Variants in HYDIN observed in about 807,000 individuals in gnomAD.
HYDIN encodes HYDIN axonemal central pair apparatus protein.
HYDIN carries 132 observed loss-of-function variants against 403.9 expected under a neutral mutation model. The ratio of observed to expected loss-of-function variants is 0.33; its 90% confidence interval spans 0.28 to 0.38. The LOEUF (loss-of-function observed/expected upper bound fraction) is 0.38, where lower values mean the gene tolerates loss of function less well. Ranked by LOEUF, HYDIN falls within the 10% of genes least tolerant of loss-of-function variation. HYDIN has a pLI of 1.00. For missense variants in HYDIN, 2,827 were observed against 5,009.5 expected (o/e 0.56, Z 13.15); for synonymous variants, 1,202 against 1,891.7 (o/e 0.64, Z 9.46).
At chr16:70,948,149 A>G (rs1480481951) in intron 41 of HYDIN, among the ~76,000 whole-genome samples, 4,325 of 144,718 alleles carry the variant, frequency 0.03, 78 homozygotes, top group African/African-American at 0.11. Flanking sequence ...CAGAAATAAC[A>G]CCGCATATCT....
At chr16:71,071,883 G>A (rs2082478635) in intron 13 of HYDIN, among the ~76,000 whole-genome samples, 1 of 152,124 alleles carries the variant, frequency 6.6e-6, no homozygotes, top group South Asian at 2.1e-4. Flanking sequence ...GAATATTTTA[G>A]ACAATGGATT....
intron 41 of HYDIN, among the ~76,000 whole-genome samples, chr16:70,947,042 G>C (rs1035815535): frequency 6.6e-6 from 1 of 150,586 alleles, no homozygotes; most frequent in Non-Finnish European, 1.5e-5. Context: ...TCCTTCTCCT[G>C]CCTAATTGCC....
intron 3 of HYDIN, 131 bp downstream of exon 3, chr16:71,184,734 C>T: frequency 1.4e-6 from 1 of 707,180 alleles, no homozygotes; most frequent in Non-Finnish European, 2.3e-6. Flanking sequence ...CATTCAGAGG[C>T]AGAAAAGGAG....
At position 71,093,801 on chromosome 16, in the gene HYDIN, C is replaced by T. The variant is rs780172867; in HGVS notation, c.1446+16G>A. 1 of 1,607,642 alleles carries T rather than the reference C, an allele frequency of 6.2e-7. No homozygotes were observed. The highest frequency in any genetic ancestry group is 1.1e-5 in the South Asian group (1 of 89,564). On this transcript the variant is annotated intron_variant, in intron 11 of 85. Transcript: ENST00000393567. ...AAGTACTGTTTGAAGTATCAACGAA[C>T]AACTCTAGTGCTTACCTCATAACAA... is the stretch of plus-strand genomic sequence containing the variant.
At chr16:71,197,535 G>C (rs1382986010) in intron 1 of HYDIN, among the ~76,000 whole-genome samples, 2 of 152,126 alleles carry the variant, frequency 1.3e-5, no homozygotes, top group South Asian at 4.1e-4. Context: ...CCTTTTAAAA[G>C]ATTTTATTGT....
At position 70,807,834 on chromosome 16, in the gene HYDIN, T is replaced by G. The variant is rs559884484; in HGVS notation, c.15112A>C (p.Ile5038Leu). ...AAGACATTCTTGAAGGGGATGATTA[T>G]GCTGTACCCGGCTCGGATCGAGAAG... ...GPFSIRAGYS[I>L]IIPFKNVFYH... is the part of the protein sequence containing the mutation. Residue 5038 changes from isoleucine to leucine, a missense_variant, in exon 86 of 86, where the codon ATA becomes CTA. Physicochemically the swap from Ile to Leu is conservative, Grantham distance 5. Transcript: ENST00000393567. The G allele has an allele frequency of 9.9e-6, 16 of 1,614,164 alleles. No individual in the cohort carries two copies. In the African/African-American group the frequency reaches 2.1e-4, roughly 22 times the overall value.
At chr16:71,085,873 G>A (rs2144357188) in intron 12 of HYDIN, among the ~76,000 whole-genome samples, 1 of 152,072 alleles carries the variant, frequency 6.6e-6, no homozygotes, top group Non-Finnish European at 1.5e-5. Flanking sequence ...CTTGTAAAAA[G>A]CATATAGATA....
chr16:71,168,071 G>A (rs1343080885), intron 5 of HYDIN, among the ~76,000 whole-genome samples: 21 of 152,118 alleles, frequency 1.4e-4, no homozygotes, highest in African/African-American at 4.1e-4. Context: ...TAATCTCAGC[G>A]CTTTGGGAGG....
At chr16:71,160,605 CA>C (rs2085962120) in intron 6 of HYDIN, among the ~76,000 whole-genome samples, 1 of 149,978 alleles carries the variant, frequency 6.7e-6, no homozygotes, top group African/African-American at 2.5e-5. Context: ...CAAGTAGAAG[CA>C]AATTCTAATC....
intron 1 of HYDIN, among the ~76,000 whole-genome samples, chr16:71,215,667 A>G (rs2088840032): frequency 6.6e-6 from 1 of 152,150 alleles, no homozygotes; most frequent in African/African-American, 2.4e-5. Flanking sequence ...CAGGAGTTTG[A>G]AACACCATAT....
intron 72 of HYDIN, among the ~76,000 whole-genome samples, chr16:70,856,000 A>G (rs2039000715): frequency 6.6e-6 from 1 of 151,278 alleles, no homozygotes; most frequent in Admixed American, 6.6e-5. Flanking sequence ...TTAAATTTGC[A>G]TTTAATTTTA....
intron 39 of HYDIN, among the ~76,000 whole-genome samples, chr16:70,959,091 T>A (rs1475711489): frequency 5.3e-5 from 8 of 151,570 alleles, no homozygotes; most frequent in Non-Finnish European, 1.2e-4. Context: ...CTCCTTTGGG[T>A]TTATGGTAAA....
At chr16:70,928,905 CA>C (rs1386357409) in intron 45 of HYDIN, among the ~76,000 whole-genome samples, 15 of 99,948 alleles carry the variant, frequency 1.5e-4, no homozygotes, top group Admixed American at 1.4e-3. Flanking sequence ...AAGAAGGAAG[CA>C]AAGGAAAGTT....
chr16:70,890,093 T>C (rs2041381858), intron 57 of HYDIN, among the ~76,000 whole-genome samples: 1 of 152,268 alleles, frequency 6.6e-6, no homozygotes, highest in Admixed American at 6.5e-5. Flanking sequence ...TTTCTGTATC[T>C]TCACATTTAT....
chr16:71,221,347 A>G (rs1481145455), intron 1 of HYDIN, among the ~76,000 whole-genome samples: 1 of 152,128 alleles, frequency 6.6e-6, no homozygotes, highest in Non-Finnish European at 1.5e-5. Flanking sequence ...GAGCTCCAAA[A>G]GCCTCAAAGT....
At chr16:71,080,836 A>G (rs960015006) in intron 12 of HYDIN, 1 of 149,692 alleles carries the variant, frequency 6.7e-6, no homozygotes, top group Admixed American at 6.7e-5. Flanking sequence ...CACAAGGGTG[A>G]TTTTAAAAAT....
chr16:70,809,678 A>G lies in HYDIN; in HGVS notation c.14883+105T>C. 4.4e-6 allele frequency: 4 copies of G among 899,660 alleles called. 1 individual carries two copies. The South Asian group carries it at 6.1e-5, about 14-fold the overall frequency. 55.7% of individuals were successfully genotyped at this position (899,660 alleles called of 1,614,324 possible). A position where few individuals can be genotyped will look rare whatever the true frequency, so the allele number is the denominator to read the frequency against. On this transcript the variant is annotated intron_variant, in intron 85 of 85. Coordinates refer to ENST00000393567, the MANE Select transcript of HYDIN (RefSeq NM_001270974.2). ...TGTCACCATGACAACGAAGCACCTG[A>G]GTCTCTCTGAGTCTCACATTCATGC...
chr16:70,916,447 G>C (rs2076843097), intron 47 of HYDIN, among the ~76,000 whole-genome samples: 2 of 152,066 alleles, frequency 1.3e-5, no homozygotes, highest in African/African-American at 4.8e-5. Flanking sequence ...CAGGGGCGGA[G>C]GATCTTCCTT....
chr16:70,817,810 C>T (rs1471081302), intron 84 of HYDIN, among the ~76,000 whole-genome samples: 2 of 152,032 alleles, frequency 1.3e-5, no homozygotes, highest in Admixed American at 6.5e-5. Flanking sequence ...GGCACAGTCT[C>T]GGCTCACTGC....
Sources: gnomAD v4.1 joint callset for allele counts (sites outside exome capture counted in the v4.1 genomes callset) on GRCh38, gnomAD v4.1.1 for gene constraint, MANE v1.5 for transcripts, NCBI Gene and HGNC (gene_info 2026-07-23, HGNC 2026-07-21) for gene names.